The following DNAH11 variants were observed in gnomAD, a reference collection of about 807,000 sequenced individuals.
DNAH11 encodes axonemal beta dynein heavy chain 11.
A neutral mutation model predicts 526.0 loss-of-function variants in DNAH11; 442 were observed. The ratio of observed to expected loss-of-function variants is 0.84; its 90% confidence interval spans 0.78 to 0.91. The LOEUF (loss-of-function observed/expected upper bound fraction) is 0.91, where lower values mean the gene tolerates loss of function less well. DNAH11 is among the 40% of genes least tolerant of loss of function. DNAH11 has a pLI of 0.00. For synonymous variants in DNAH11, 2,461 were observed against 1,935.9 expected (o/e 1.27, Z -7.12); for missense variants, 6,989 against 5,448.7 (o/e 1.28, Z -8.90).
At chr7:21,626,088 T>C (rs761696305) in intron 25 of DNAH11, among the ~76,000 whole-genome samples, 7 of 152,206 alleles carry the variant, frequency 4.6e-5, no homozygotes, top group Non-Finnish European at 8.8e-5. Context: ...TTTTCTCTTC[T>C]AGATCTTTTG....
Position 21,894,689 on chromosome 7 carries a change from C to CA in DNAH11, c.12824dup (p.Asn4275LysfsTer4), listed in dbSNP as rs751061873. The stretch of plus-strand genomic sequence containing the variant: ...AGAGTTCAACATGGCAGAGATAATG[C>CA]AAAAAAATTCAAATAGAAGCCCATA... On this transcript the variant is annotated frameshift_variant, in exon 78 of 82. Coordinates refer to ENST00000409508, the MANE Select transcript of DNAH11 (RefSeq NM_001277115.2). LOFTEE classifies it high-confidence loss of function. 1.5e-5 allele frequency: 25 copies of CA among 1,613,580 alleles called. No individual in the cohort carries two copies. The highest frequency in any genetic ancestry group is 1.9e-5 in the Non-Finnish European group (23 of 1,179,810).
intron 8 of DNAH11, among the ~76,000 whole-genome samples, chr7:21,581,680 AG>A (rs1368540093): frequency 1.3e-5 from 2 of 152,220 alleles, no homozygotes; most frequent in African/African-American, 2.4e-5. Flanking sequence ...GGGAAAGCAT[AG>A]GGGAACAGTG....
chr7:21,852,714 G>T, intron 67 of DNAH11, 83 bp downstream of exon 67: 1 of 1,420,980 alleles, frequency 7.0e-7, no homozygotes, highest in Non-Finnish European at 9.4e-7. Flanking sequence ...ATCAGACTTG[G>T]TAATTCCTCT....
chr7:21,866,320 CAAA>C (rs35623271), intron 70 of DNAH11, 147 bp from the exon 71 acceptor site: 4,132 of 452,494 alleles, frequency 9.1e-3, no homozygotes, highest in South Asian at 0.024. Context: ...CTCAGCAGAG[CAAA>C]AAAAAAAAAA....
At chr7:21,625,768 G>C (rs1386034074) in intron 25 of DNAH11, among the ~76,000 whole-genome samples, 2 of 151,936 alleles carry the variant, frequency 1.3e-5, no homozygotes, top group African/African-American at 4.8e-5. Flanking sequence ...TTGGTTGTTT[G>C]GGAGCATGTT....
At chr7:21,609,329 C>T (rs1785422981) in intron 20 of DNAH11, among the ~76,000 whole-genome samples, 1 of 152,146 alleles carries the variant, frequency 6.6e-6, no homozygotes, top group Non-Finnish European at 1.5e-5. Flanking sequence ...AATTCTCCTG[C>T]CTCAACGTCC....
At chr7:21,652,300 A>G (rs1323717384) in intron 28 of DNAH11, among the ~76,000 whole-genome samples, 1 of 152,170 alleles carries the variant, frequency 6.6e-6, no homozygotes, top group African/African-American at 2.4e-5. Flanking sequence ...AACAACAAAA[A>G]CTGACTTCAC....
intron 56 of DNAH11, among the ~76,000 whole-genome samples, chr7:21,775,650 T>C (rs1326199857): frequency 6.6e-6 from 1 of 152,090 alleles, no homozygotes; most frequent in Non-Finnish European, 1.5e-5. Flanking sequence ...TCCTGTCTCT[T>C]TTTATTCACA....
chr7:21,724,645 G>A (rs1326552983), intron 44 of DNAH11, among the ~76,000 whole-genome samples: 2 of 151,122 alleles, frequency 1.3e-5, no homozygotes, highest in East Asian at 2.0e-4. Context: ...GAATATAGGA[G>A]TCGCTGAGCC....
intron 18 of DNAH11, among the ~76,000 whole-genome samples, chr7:21,604,380 A>G (rs1785204768): frequency 6.6e-6 from 1 of 152,048 alleles, no homozygotes; most frequent in Non-Finnish European, 1.5e-5. Flanking sequence ...CACCCCACCC[A>G]CAATATACTC....
intron 55 of DNAH11, among the ~76,000 whole-genome samples, chr7:21,769,718 C>A (rs1787341910): frequency 1.3e-5 from 2 of 152,102 alleles, no homozygotes; most frequent in Admixed American, 6.5e-5. Context: ...CTCTTGACCT[C>A]GGGTTATCTG....
intron 30 of DNAH11, among the ~76,000 whole-genome samples, chr7:21,674,929 T>C (rs1341750585): frequency 6.6e-6 from 1 of 152,180 alleles, no homozygotes; most frequent in African/African-American, 2.4e-5. Context: ...ACTCTTCTTT[T>C]CCTCAATAGC....
At chr7:21,812,993 T>C (rs1184299411) in intron 63 of DNAH11, among the ~76,000 whole-genome samples, 1 of 152,030 alleles carries the variant, frequency 6.6e-6, no homozygotes, top group Non-Finnish European at 1.5e-5. Flanking sequence ...AAGACTAAGA[T>C]ACTGAAGGGT....
chr7:21,880,259 A>C (rs1052721965), intron 74 of DNAH11, among the ~76,000 whole-genome samples: 1 of 152,184 alleles, frequency 6.6e-6, no homozygotes, highest in Admixed American at 6.5e-5. Flanking sequence ...GAAACAGTCA[A>C]GGGTGTCCAT....
At chr7:21,640,695 T>C (rs2222521) in intron 28 of DNAH11, among the ~76,000 whole-genome samples, 12,289 of 152,098 alleles carry the variant, frequency 0.081, 893 homozygotes, top group Admixed American at 0.23. Flanking sequence ...CGGGCAGGTA[T>C]CGTAATCTCC....
Position 21,861,882 on chromosome 7 carries a change from C to T in DNAH11, c.11232C>T (p.Ile3744=), listed in dbSNP as rs201120788. The T allele has an allele frequency of 4.7e-5, 76 of 1,613,236 alleles. No individual in the cohort carries two copies. The highest frequency in any genetic ancestry group is 6.7e-5 in the African/African-American group (5 of 74,860). Reference sequence around the variant, plus strand: ...TTAACGTGCTGTTCCACAGAGCGATCGAGCAGGCTGACAAGGTGGAAGACA... The same window carrying T: ...TTAACGTGCTGTTCCACAGAGCGATTGAGCAGGCTGACAAGGTGGAAGACA... ...KAFNVLFHRA[I]EQADKVEDMQ... The change falls in exon 69 of 82, where the codon ATC becomes ATT. Residue 3744 remains isoleucine (I), a synonymous_variant. Transcript: ENST00000409508.
Position 21,899,340 on chromosome 7 carries a change from A to T in DNAH11, c.13054A>T (p.Asn4352Tyr), listed in dbSNP as rs144401534. 6.8e-6 allele frequency: 11 copies of T among 1,613,882 alleles called. 1 individual carries two copies. The Admixed American group carries it at 1.8e-4, about 27-fold the overall frequency. The part of the protein sequence containing the change: ...PSTYGLAQWF[N>Y]DLLLRCRELD... ...TTCCTCCCTCCCATAAACCAGGTTC[A>T]ATGACCTCCTCCTGCGATGCCGAGA... is the stretch of plus-strand genomic sequence containing the variant. Residue 4352 changes from asparagine (N) to tyrosine (Y), a missense_variant, in exon 80 of 82, where the codon AAT becomes TAT. By Grantham distance (143) the Asn-to-Tyr change is moderately radical. Coordinates refer to ENST00000409508, the MANE Select transcript of DNAH11 (RefSeq NM_001277115.2).
chr7:21,634,798 AC>A (rs892775073), intron 25 of DNAH11, among the ~76,000 whole-genome samples: 4 of 151,926 alleles, frequency 2.6e-5, no homozygotes, highest in African/African-American at 9.7e-5. Flanking sequence ...CTGCATATGT[AC>A]CCCCCCGAAC....
At chr7:21,785,653 C>G (rs1040535715) in intron 58 of DNAH11, among the ~76,000 whole-genome samples, 1 of 151,762 alleles carries the variant, frequency 6.6e-6, no homozygotes, top group Non-Finnish European at 1.5e-5. Flanking sequence ...AATAATTACT[C>G]TTTACTCAGG....
Sources: allele counts gnomAD v4.1 joint callset (sites outside exome capture counted in the v4.1 genomes callset), GRCh38; gene constraint gnomAD v4.1.1; transcripts MANE v1.5; gene names NCBI Gene and HGNC (gene_info 2026-07-23, HGNC 2026-07-21).